CDH12: variants seen among roughly 807,000 people sequenced by gnomAD.
CDH12 encodes cadherin-12.
CDH12 carries 41 observed loss-of-function variants against 74.1 expected under a neutral mutation model. The observed-to-expected ratio is 0.55, with a 90% CI of 0.43 to 0.72. The LOEUF (loss-of-function observed/expected upper bound fraction) is 0.72, where lower values mean the gene tolerates loss of function less well. CDH12 is among the 30% of genes least tolerant of loss of function. CDH12 has a pLI of 0.00. For synonymous variants in CDH12, 399 were observed against 355.0 expected, an observed-to-expected ratio of 1.12 and a Z score of -1.39; for missense variants, 945 against 977.2, an observed-to-expected ratio of 0.97 and a Z score of 0.44.
chr5:22,597,601 C>T (rs1247298595), intron 1 of CDH12, among the ~76,000 whole-genome samples: 2 of 152,064 alleles, frequency 1.3e-5, no homozygotes, highest in Admixed American at 6.5e-5. Context: ...CTGAAATTTC[C>T]TAATCTGTTT....
intron 5 of CDH12, among the ~76,000 whole-genome samples, chr5:22,064,757 G>T (rs1249098119): frequency 6.6e-6 from 1 of 152,140 alleles, no homozygotes; most frequent in African/African-American, 2.4e-5. Flanking sequence ...ATGAGCTCAG[G>T]GATTTGAATT....
intron 3 of CDH12, among the ~76,000 whole-genome samples, chr5:22,353,779 T>G (rs1580555494): frequency 6.6e-6 from 1 of 152,310 alleles, no homozygotes; most frequent in Non-Finnish European, 1.5e-5. Flanking sequence ...ACACTAAATG[T>G]GTACCAAAGA....
chr5:22,236,788 C>T (rs759217567), intron 3 of CDH12, among the ~76,000 whole-genome samples: 2 of 151,878 alleles, frequency 1.3e-5, no homozygotes, highest in Non-Finnish European at 2.9e-5. Flanking sequence ...CAAACATTAA[C>T]CTAAACCTTC....
intron 5 of CDH12, among the ~76,000 whole-genome samples, chr5:22,052,887 A>G (rs1561060559): frequency 6.6e-6 from 1 of 152,136 alleles, no homozygotes; most frequent in Non-Finnish European, 1.5e-5. Context: ...AGCAGAGTTC[A>G]AAATCTCTTA....
intron 1 of CDH12, among the ~76,000 whole-genome samples, chr5:22,536,716 A>T (rs1259950883): frequency 6.6e-6 from 1 of 152,196 alleles, no homozygotes; most frequent in East Asian, 1.9e-4. Flanking sequence ...CAGAGCTAAA[A>T]ACCCCTAAAC....
intron 4 of CDH12, among the ~76,000 whole-genome samples, chr5:22,175,485 A>G (rs1417401632): frequency 6.6e-6 from 1 of 152,114 alleles, no homozygotes; most frequent in East Asian, 1.9e-4. Context: ...ATATATGTAT[A>G]TATCTATAAA....
At chr5:22,348,636 C>G (rs904524644) in intron 3 of CDH12, among the ~76,000 whole-genome samples, 13 of 152,166 alleles carry the variant, frequency 8.5e-5, no homozygotes, top group African/African-American at 3.1e-4. Context: ...AAACATTACT[C>G]TGGGACTTGC....
At chr5:22,433,851 A>G (rs1744269811) in intron 2 of CDH12, among the ~76,000 whole-genome samples, 1 of 152,188 alleles carries the variant, frequency 6.6e-6, no homozygotes, top group South Asian at 2.1e-4. Context: ...ATGGATAATG[A>G]GTTGTAGCAT....
chr5:22,206,546 G>A (rs1366811038), intron 4 of CDH12, among the ~76,000 whole-genome samples: 1 of 151,838 alleles, frequency 6.6e-6, no homozygotes, highest in East Asian at 1.9e-4. Flanking sequence ...ACTAAGGTTT[G>A]ACTTGTGAAA....
intron 2 of CDH12, among the ~76,000 whole-genome samples, chr5:22,423,223 A>G (rs1171145666): frequency 6.7e-6 from 1 of 149,950 alleles, no homozygotes; most frequent in Non-Finnish European, 1.5e-5. Flanking sequence ...AAAAAAAAAA[A>G]GCAAATAATA....
intron 1 of CDH12, among the ~76,000 whole-genome samples, chr5:22,793,702 C>G (rs1164720653): frequency 6.6e-6 from 1 of 151,246 alleles, no homozygotes; most frequent in Non-Finnish European, 1.5e-5. Flanking sequence ...TTGCATAAGT[C>G]TCAGGAACAT....
intron 3 of CDH12, among the ~76,000 whole-genome samples, chr5:22,315,118 G>GTTTTTT (rs1344184080): frequency 8.5e-4 from 8 of 9,402 alleles, no homozygotes; most frequent in South Asian, 4.0e-3. Context: ...TGCCTGCCTG[G>GTTTTTT]CTTTTTTTTT....
chr5:22,524,744 A>AT (rs1554047162), intron 1 of CDH12, among the ~76,000 whole-genome samples: 2 of 152,148 alleles, frequency 1.3e-5, no homozygotes, highest in Non-Finnish European at 2.9e-5. Context: ...TATTGCTCAC[A>AT]TTGTATGTCC....
chr5:21,834,267 A>G (rs1749407204), intron 8 of CDH12, among the ~76,000 whole-genome samples: 1 of 151,950 alleles, frequency 6.6e-6, no homozygotes, highest in African/African-American at 2.4e-5. Flanking sequence ...TATCTCATAT[A>G]TATGAATACA....
chr5:22,040,419 G>T lies in CDH12; in HGVS notation c.231+38027C>A, dbSNP rs1252322143. The stretch of plus-strand genomic sequence containing the variant: ...AATAATTGCTGAAAACTCCCCAAGT[G>T]TGGGAAGACATATGGACATCCAGAT... On this transcript the variant is annotated intron_variant, in intron 5 of 14. Transcript: ENST00000382254. Among the ~76,000 whole-genome samples, 3 of 152,248 alleles carry T rather than the reference G, an allele frequency of 2.0e-5. No individual in the cohort carries two copies. The East Asian group carries it at 5.8e-4, about 29-fold the overall frequency.
chr5:22,013,268 G>A (rs1390840946), intron 5 of CDH12, among the ~76,000 whole-genome samples: 3 of 152,056 alleles, frequency 2.0e-5, no homozygotes, highest in African/African-American at 4.8e-5. Flanking sequence ...AGCAAAGCAG[G>A]GAAGAACTCC....
intron 3 of CDH12, among the ~76,000 whole-genome samples, chr5:22,242,343 G>C (rs1752779653): frequency 6.6e-6 from 1 of 152,088 alleles, no homozygotes; most frequent in African/African-American, 2.4e-5. Flanking sequence ...ATTTTAAAAT[G>C]ACACTTCTAT....
chr5:22,441,716 A>T lies in CDH12; in HGVS notation c.-427-36365T>A, dbSNP rs934456930. 5.9e-5 allele frequency among the ~76,000 whole-genome samples: 9 copies of T among 152,154 alleles called. No homozygotes were observed. In the East Asian group the frequency reaches 7.7e-4, roughly 13 times the overall value. On this transcript the variant is annotated intron_variant, in intron 2 of 14. Transcript: ENST00000382254. ...ATTTGTTTTGTTAATATTATTATTT[A>T]TTTTTTTCAAGACAGTCTTGCTCTG...
chr5:22,468,146 C>T (rs1745808792), intron 2 of CDH12, among the ~76,000 whole-genome samples: 1 of 152,172 alleles, frequency 6.6e-6, no homozygotes, highest in Admixed American at 6.5e-5. Context: ...GTCTTTGGTT[C>T]TTTTGAACAA....
Sources: gnomAD v4.1 joint callset for allele counts (sites outside exome capture counted in the v4.1 genomes callset) on GRCh38, gnomAD v4.1.1 for gene constraint, MANE v1.5 for transcripts, NCBI Gene and HGNC (gene_info 2026-07-23, HGNC 2026-07-21) for gene names.